Variants in C4orf17 observed in about 807,000 individuals in gnomAD.
C4orf17 encodes chromosome 4 open reading frame 17.
In C4orf17, 25 loss-of-function variants were observed where a neutral mutation model predicts 32.0. The observed-to-expected ratio is 0.78, with a 90% CI of 0.57 to 1.09. C4orf17 has a LOEUF of 1.09. Among genes scored for constraint, C4orf17 ranks in the 50% least tolerant of loss-of-function variants. C4orf17 has a pLI of 0.00. For synonymous variants in C4orf17, 149 were observed against 145.8 expected (o/e 1.02, Z -0.16); for missense variants, 420 against 420.0 (o/e 1.00, Z 0.00).
At chr4:99,513,343 C>T in intron 2 of C4orf17, 135 bp downstream of exon 2, 1 of 1,104,784 alleles carries the variant, frequency 9.1e-7, no homozygotes, top group Non-Finnish European at 1.3e-6. Context: ...ACTATTGGGA[C>T]TAGATGCCAG....
At chr4:99,531,223 C>T (rs546647487) in intron 5 of C4orf17, among the ~76,000 whole-genome samples, 8 of 152,078 alleles carry the variant, frequency 5.3e-5, no homozygotes, top group African/African-American at 1.7e-4. Flanking sequence ...AAATTTAAAT[C>T]ATATAAGATC....
At chr4:99,518,655 G>A (rs1723237593) in intron 2 of C4orf17, among the ~76,000 whole-genome samples, 1 of 146,906 alleles carries the variant, frequency 6.8e-6, no homozygotes. Context: ...CATGCATTTA[G>A]GATAAAGTGG....
At chr4:99,518,235 C>G (rs1400867828) in intron 2 of C4orf17, among the ~76,000 whole-genome samples, 1 of 151,732 alleles carries the variant, frequency 6.6e-6, no homozygotes, top group Non-Finnish European at 1.5e-5. Flanking sequence ...ATAGAACAAC[C>G]AGAAAGATCA....
At chr4:99,511,673 A>G (rs1039800933) in intron 1 of C4orf17, among the ~76,000 whole-genome samples, 1 of 152,026 alleles carries the variant, frequency 6.6e-6, no homozygotes, top group Admixed American at 6.6e-5. Context: ...TCACTCTCCA[A>G]ATTGTCTGCT....
chr4:99,515,023 G>A (rs1244083027), intron 2 of C4orf17, among the ~76,000 whole-genome samples: 1 of 152,168 alleles, frequency 6.6e-6, no homozygotes, highest in Non-Finnish European at 1.5e-5. Flanking sequence ...AAGATCATAT[G>A]TTCTCAGTTA....
intron 2 of C4orf17, among the ~76,000 whole-genome samples, chr4:99,515,584 T>C (rs1723166624): frequency 1.3e-5 from 2 of 151,538 alleles, no homozygotes; most frequent in African/African-American, 2.4e-5. Flanking sequence ...TCAGGAAAAA[T>C]AACTAATGGG....
intron 2 of C4orf17, among the ~76,000 whole-genome samples, chr4:99,518,230 A>C (rs1011298123): frequency 1.3e-5 from 2 of 151,904 alleles, no homozygotes; most frequent in African/African-American, 4.8e-5. Context: ...CCTCCATAGA[A>C]CAACCAGAAA....
At chr4:99,536,269 G>T in intron 5 of C4orf17, 1 of 178,146 alleles carries the variant, frequency 5.6e-6, no homozygotes, top group East Asian at 1.7e-4. Flanking sequence ...GCTGCATTGT[G>T]GGGAACTCTT....
chr4:99,529,769 T>C (rs755603949), intron 4 of C4orf17, 46 bp from the exon 5 acceptor site: 4 of 1,461,090 alleles, frequency 2.7e-6, no homozygotes, highest in South Asian at 2.7e-5. Context: ...ATAGAAAATA[T>C]AGGTGGATGC....
intron 2 of C4orf17, among the ~76,000 whole-genome samples, chr4:99,513,617 C>G (rs922210033): frequency 2.0e-5 from 3 of 152,066 alleles, no homozygotes; most frequent in Non-Finnish European, 2.9e-5. Context: ...GCTTCCTTCC[C>G]TTCTGTCTTG....
At chr4:99,538,368 A>T (rs989548717) in intron 6 of C4orf17, among the ~76,000 whole-genome samples, 1 of 152,216 alleles carries the variant, frequency 6.6e-6, no homozygotes, top group Non-Finnish European at 1.5e-5. Context: ...GTGGGACTTG[A>T]GAATTTGTGT....
At chr4:99,537,870 C>A in intron 6 of C4orf17, 120 bp downstream of exon 6, 1 of 763,362 alleles carries the variant, frequency 1.3e-6, no homozygotes, top group Non-Finnish European at 2.3e-6. Flanking sequence ...AATATTATTT[C>A]CGCAATGTTT....
At chr4:99,511,417 T>G (rs981215738) in intron 1 of C4orf17, 145 bp downstream of exon 1, 2 of 149,012 alleles carry the variant, frequency 1.3e-5, no homozygotes, top group Non-Finnish European at 2.9e-5. Flanking sequence ...ATTGTTTTCT[T>G]GTTGACTTTT....
chr4:99,526,651 C>CTTTT (rs145120945), intron 4 of C4orf17, among the ~76,000 whole-genome samples: 4 of 137,614 alleles, frequency 2.9e-5, no homozygotes, highest in African/African-American at 1.0e-4. Context: ...CTTTTCTTTT[C>CTTTT]TTTTTTTTTT....
intron 5 of C4orf17, among the ~76,000 whole-genome samples, chr4:99,534,830 T>G (rs571911852): frequency 6.6e-6 from 1 of 152,356 alleles, no homozygotes; most frequent in Non-Finnish European, 1.5e-5. Flanking sequence ...TGTGGTTGCT[T>G]CATAGCGTCA....
chr4:99,515,670 G>A (rs970702216), intron 2 of C4orf17, among the ~76,000 whole-genome samples: 1 of 151,772 alleles, frequency 6.6e-6, no homozygotes, highest in Non-Finnish European at 1.5e-5. Flanking sequence ...TATCTATGTA[G>A]CAAAACTGCA....
chr4:99,537,893 G>T, intron 6 of C4orf17, 143 bp downstream of exon 6: 1 of 673,486 alleles, frequency 1.5e-6, no homozygotes. Flanking sequence ...GTATCAGGGT[G>T]ATTACTGTTC....
intron 4 of C4orf17, among the ~76,000 whole-genome samples, chr4:99,526,665 TATAGC>T (rs1723392698): frequency 1.3e-5 from 2 of 151,126 alleles, no homozygotes; most frequent in African/African-American, 2.4e-5. Flanking sequence ...TTTTTTTTTT[TATAGC>T]TATAGGCTAT....
At chr4:99,536,001 T>TC in intron 5 of C4orf17, 1 of 449,452 alleles carries the variant, frequency 2.2e-6, no homozygotes. Flanking sequence ...TTGCTGGGGG[T>TC]CTGCTCCAGA....
Sources: allele counts gnomAD v4.1 joint callset (sites outside exome capture counted in the v4.1 genomes callset), GRCh38; gene constraint gnomAD v4.1.1; transcripts MANE v1.5; gene names NCBI Gene and HGNC (gene_info 2026-07-23, HGNC 2026-07-21).